PTPRN2: variants seen among roughly 807,000 people sequenced by gnomAD.
PTPRN2 encodes the protein protein tyrosine phosphatase receptor type N2, also known as receptor-type tyrosine-protein phosphatase N2.
PTPRN2 carries 74 observed loss-of-function variants against 118.8 expected under a neutral mutation model. The observed-to-expected ratio is 0.62, with a 90% CI of 0.52 to 0.76. PTPRN2 has a LOEUF of 0.76. PTPRN2 is among the 30% of genes least tolerant of loss of function. The pLI, the probability that PTPRN2 is intolerant of heterozygous loss-of-function variation, is 0.00. For missense variants in PTPRN2, 1,481 were observed against 1,394.4 expected (o/e 1.06, Z -0.99); for synonymous variants, 641 against 608.0 (o/e 1.05, Z -0.80).
intron 3 of PTPRN2, among the ~76,000 whole-genome samples, chr7:158,269,623 C>T (rs1397878942): frequency 6.6e-6 from 1 of 152,156 alleles, no homozygotes; most frequent in Non-Finnish European, 1.5e-5. Flanking sequence ...AGAGTAGGAA[C>T]AATGGTGAAG....
At chr7:158,439,458 A>G (rs1816819184) in intron 2 of PTPRN2, among the ~76,000 whole-genome samples, 2 of 152,214 alleles carry the variant, frequency 1.3e-5, no homozygotes, top group South Asian at 4.1e-4. Context: ...AGATGGAGAC[A>G]GGGACAGAGA....
At chr7:157,571,523 G>C in intron 19 of PTPRN2, 30 bp from the exon 20 acceptor site, 2 of 1,542,714 alleles carry the variant, frequency 1.3e-6, no homozygotes, top group Non-Finnish European at 1.8e-6. Flanking sequence ...AAAAATTATC[G>C]TTGTGTACTA....
intron 2 of PTPRN2, among the ~76,000 whole-genome samples, chr7:158,342,525 C>T (rs1477579871): frequency 6.7e-5 from 7 of 104,788 alleles, no homozygotes; most frequent in African/African-American, 2.7e-4. Flanking sequence ...AGAGCTGACA[C>T]CTGCAGACGT....
chr7:158,523,474 C>CTCTGCCCTGGAGTGGAGTCG (rs199612255), intron 1 of PTPRN2, among the ~76,000 whole-genome samples: 1 of 46,708 alleles, frequency 2.1e-5, no homozygotes, highest in African/African-American at 6.9e-5. Flanking sequence ...GAGTGGAGTC[C>CTCTGCCCTGGAGTGGAGTCG]TCTGCCCTGG....
chr7:158,132,498 C>A (rs150700505), intron 9 of PTPRN2, among the ~76,000 whole-genome samples: 1 of 151,814 alleles, frequency 6.6e-6, no homozygotes, highest in East Asian at 1.9e-4. Context: ...CGCACATGCA[C>A]ATACAGATGC....
chr7:157,762,459 T>A (rs1472043916), intron 12 of PTPRN2, among the ~76,000 whole-genome samples: 1 of 151,456 alleles, frequency 6.6e-6, no homozygotes, highest in Non-Finnish European at 1.5e-5. Flanking sequence ...ATGGATGAAA[T>A]TGGAAATCAT....
At chr7:158,053,906 C>CCCAGAGATGCAGAGACT (rs1563366162) in intron 11 of PTPRN2, among the ~76,000 whole-genome samples, 2 of 144,418 alleles carry the variant, frequency 1.4e-5, no homozygotes, top group African/African-American at 2.7e-5. Flanking sequence ...ATGCAGAGAC[C>CCCAGAGATGCAGAGACT]CCAGAGATGC....
chr7:157,883,919 C>T (rs1003940483), intron 12 of PTPRN2, among the ~76,000 whole-genome samples: 2 of 151,796 alleles, frequency 1.3e-5, no homozygotes, highest in African/African-American at 4.8e-5. Flanking sequence ...GAAAACACCA[C>T]CCCAAAGTGA....
At chr7:157,997,441 G>A (rs190021042) in intron 11 of PTPRN2, among the ~76,000 whole-genome samples, 48 of 152,324 alleles carry the variant, frequency 3.2e-4, no homozygotes, top group African/African-American at 9.4e-4. Context: ...CCTGGCTGGC[G>A]CCTGGAGCCC....
intron 11 of PTPRN2, among the ~76,000 whole-genome samples, chr7:158,048,932 C>G (rs985323001): frequency 1.4e-5 from 2 of 140,240 alleles, no homozygotes; most frequent in Admixed American, 1.4e-4. Context: ...TCACTATCAC[C>G]AACACCATCA....
Position 158,148,014 on chromosome 7 carries a change from C to T in PTPRN2, c.911-9499G>A, listed in dbSNP as rs865806248. On this transcript the variant is annotated intron_variant, in intron 6 of 22. Transcript: ENST00000389418. ...CATCTCACGCCACGTGTCTTTCCCC[C>T]TCAATGACACCCCATCTCACGCCAC... is the stretch of plus-strand genomic sequence containing the variant. Among the ~76,000 whole-genome samples the T allele has an allele frequency of 7.3e-3, 73 of 10,034 alleles. 1 individual carries two copies. The highest frequency in any genetic ancestry group is 9.7e-3 in the East Asian group (5 of 516). 6.6% of individuals were successfully genotyped at this position (10,034 alleles called of 152,430 possible).
chr7:158,307,234 G>C lies in PTPRN2; in HGVS notation c.277+9585C>G, dbSNP rs148181822. Among the ~76,000 whole-genome samples, 675 of 152,158 alleles carry C rather than the reference G, an allele frequency of 4.4e-3. 6 individuals carry two copies. Among genetic ancestry groups the C allele is most frequent in the African/African-American group, 0.015 (642 of 41,506 alleles). On this transcript the variant is annotated intron_variant, in intron 3 of 22. Transcript: ENST00000389418. Reference sequence around the variant, plus strand: ...ATGTCTAAAGAGCTAAATAAAAGTAGGAAAATAGTGTCTCATCAAATAGAG... The same window carrying C: ...ATGTCTAAAGAGCTAAATAAAAGTACGAAAATAGTGTCTCATCAAATAGAG...
intron 8 of PTPRN2, among the ~76,000 whole-genome samples, chr7:158,134,537 G>C (rs1818648707): frequency 6.6e-6 from 1 of 152,122 alleles, no homozygotes; most frequent in Non-Finnish European, 1.5e-5. Context: ...TGAACACACT[G>C]AGTCCTCACG....
intron 6 of PTPRN2, among the ~76,000 whole-genome samples, chr7:158,146,010 T>C (rs138734090): frequency 6.4e-4 from 97 of 152,262 alleles, no homozygotes; most frequent in African/African-American, 2.3e-3. Flanking sequence ...AAATTATAAC[T>C]ATTATCATGA....
intron 12 of PTPRN2, among the ~76,000 whole-genome samples, chr7:157,891,484 C>T (rs1796802376): frequency 7.0e-6 from 1 of 142,004 alleles, no homozygotes; most frequent in Non-Finnish European, 1.5e-5. Context: ...TTCCCACAGC[C>T]CCCCACCCCC....
chr7:158,504,528 T>A (rs1382477579), intron 1 of PTPRN2, among the ~76,000 whole-genome samples: 1 of 152,222 alleles, frequency 6.6e-6, no homozygotes, highest in South Asian at 2.1e-4. Context: ...GGACATGATC[T>A]CACTCTTTTC....
rs180695729 is a variant in PTPRN2 at position 157,566,296 on chromosome 7, G to A, written c.2902+2606C>T. 7.7e-4 allele frequency among the ~76,000 whole-genome samples: 117 copies of A among 152,370 alleles called. 1 individual carries two copies. The highest frequency in any genetic ancestry group is 3.5e-3 in the South Asian group (17 of 4,828). ...AGGGAAATGGGAAGAAAGGTTTCAC[G>A]TCCAGGACTCTGGGCCTTTGATCAT... is the stretch of plus-strand genomic sequence containing the variant. On this transcript the variant is annotated intron_variant, in intron 21 of 22. Transcript: ENST00000389418.
chr7:157,694,037 A>G (rs919508822), intron 12 of PTPRN2, among the ~76,000 whole-genome samples: 1 of 152,264 alleles, frequency 6.6e-6, no homozygotes. Context: ...GGAGCCTAGT[A>G]CAGGCCAGAG....
In PTPRN2 at chr7:157,662,841, C is replaced by T. The variant is rs140977532; in HGVS notation, c.2002-6290G>A. On this transcript the variant is annotated intron_variant, in intron 13 of 22. Transcript: ENST00000389418. ...GGACATGGGATGTACCCGATGTCTA[C>T]AAGCTTGAAGTAACATTGCCGACCG... Among the ~76,000 whole-genome samples, 324 of 152,284 alleles carry T rather than the reference C, an allele frequency of 2.1e-3. 1 individual carries two copies. The highest frequency in any genetic ancestry group is 6.8e-3 in the Middle Eastern group (2 of 294).
Sources: allele counts gnomAD v4.1 joint callset (sites outside exome capture counted in the v4.1 genomes callset), GRCh38; gene constraint gnomAD v4.1.1; transcripts MANE v1.5; gene names NCBI Gene and HGNC (gene_info 2026-07-23, HGNC 2026-07-21).